RBMS1: variants seen among roughly 807,000 people sequenced by gnomAD.
RBMS1 encodes RNA-binding motif, single-stranded-interacting protein 1.
RBMS1 carries 17 observed loss-of-function variants against 62.3 expected under a neutral mutation model. The observed-to-expected ratio is 0.27, with a 90% CI of 0.19 to 0.41. RBMS1 has a LOEUF of 0.41. Among genes scored for constraint, RBMS1 ranks in the 10% least tolerant of loss-of-function variants. The pLI is 1.00. For missense variants in RBMS1, 334 were observed against 504.5 expected (o/e 0.66, Z 3.24); for synonymous variants, 172 against 170.0 (o/e 1.01, Z -0.09).
At chr2:160,291,481 T>A (rs977739945) in intron 6 of RBMS1, among the ~76,000 whole-genome samples, 22 of 152,148 alleles carry the variant, frequency 1.4e-4, no homozygotes, top group African/African-American at 5.1e-4. Flanking sequence ...CAATAAATAT[T>A]ATCTATTTTT....
chr2:160,286,396 T>C (rs1688398936), intron 7 of RBMS1, among the ~76,000 whole-genome samples: 1 of 148,650 alleles, frequency 6.7e-6, no homozygotes, highest in Non-Finnish European at 1.5e-5. Flanking sequence ...CTTGGAACAC[T>C]GCAGCCTCTG....
In RBMS1 at chr2:160,362,312, G is replaced by A. The variant is rs139497919; in HGVS notation, c.251+4904C>T. On this transcript the variant is annotated intron_variant, in intron 2 of 13. Coordinates refer to ENST00000348849, the MANE Select transcript of RBMS1 (RefSeq NM_016836.4). The stretch of plus-strand genomic sequence containing the variant: ...CCTTTGCGGGCTGTTTGGTGCAAGA[G>A]ACCTAGCTTTCGGCCTGTCTCGGCA... Among the ~76,000 whole-genome samples, 88 of 152,332 alleles carry A rather than the reference G, an allele frequency of 5.8e-4. 1 individual carries two copies. The Middle Eastern group carries it at 0.014, about 24-fold the overall frequency.
chr2:160,290,287 T>A (rs1574223465), intron 6 of RBMS1, among the ~76,000 whole-genome samples: 1 of 151,496 alleles, frequency 6.6e-6, no homozygotes. Flanking sequence ...AAGACTGACA[T>A]GCAGAAAAGG....
At position 160,286,984 on chromosome 2, in the gene RBMS1, T is replaced by G. The variant is rs202136965; in HGVS notation, c.741A>C (p.Glu247Asp). The change falls in exon 7 of 14, where the codon GAA becomes GAC. Residue 247 changes from glutamate (E) to aspartate (D), a missense_variant. Glu to Asp is a conservative substitution (Grantham distance 45). This residue lies in a region of RBMS1 where 182 missense variants were observed against 257.7 expected (regional missense o/e 0.71). Coordinates refer to ENST00000348849, the MANE Select transcript of RBMS1 (RefSeq NM_016836.4). ...YIPNGRPWHREGEVRLAGMTL... is the reference protein window; with the variant it reads ...YIPNGRPWHRDGEVRLAGMTL... ...AAGGACTTACAAGTCTCACCTCTCC[T>G]TCTCTATGCCATGGTCTTCCATTAG... is the stretch of plus-strand genomic sequence containing the variant. 8 of 1,602,392 alleles carry G rather than the reference T, an allele frequency of 5.0e-6. No homozygotes were observed. The Admixed American group carries it at 6.7e-5, about 13-fold the overall frequency.
At chr2:160,366,271 A>G (rs1423159310) in intron 2 of RBMS1, among the ~76,000 whole-genome samples, 1 of 152,260 alleles carries the variant, frequency 6.6e-6, no homozygotes, top group Non-Finnish European at 1.5e-5. Context: ...TAAAAAAATA[A>G]GAAGTAATGA....
At chr2:160,440,151 C>T (rs1683353923) in intron 1 of RBMS1, among the ~76,000 whole-genome samples, 1 of 144,212 alleles carries the variant, frequency 6.9e-6, no homozygotes, top group African/African-American at 2.6e-5. Flanking sequence ...CTCTGTTGCC[C>T]AGGCTAGAGT....
rs1285391471 is a variant in RBMS1, at chr2:160,274,435, C to A, written c.*337G>T. 1 of 151,334 alleles carries A rather than the reference C, an allele frequency of 6.6e-6. No homozygotes were observed. The highest frequency in any genetic ancestry group is 2.4e-5 in the African/African-American group (1 of 41,192). The allele number at this position is 151,334 out of a possible 1,614,324, so 9.4% of individuals were successfully genotyped here. A position where few individuals can be genotyped will look rare whatever the true frequency, so the allele number is the denominator to read the frequency against. On this transcript the variant is annotated 3_prime_UTR_variant, in exon 14 of 14. Transcript: ENST00000348849. ...TAAGTCTTCATGGTCTTTGTGCATACCCAGAAAATTGAAGTTTTCTTTTCT... is the reference window on the plus strand; with the variant it reads ...TAAGTCTTCATGGTCTTTGTGCATAACCAGAAAATTGAAGTTTTCTTTTCT...
chr2:160,373,959 T>C (rs1392604512), intron 1 of RBMS1, among the ~76,000 whole-genome samples: 2 of 151,814 alleles, frequency 1.3e-5, no homozygotes, highest in African/African-American at 2.4e-5. Flanking sequence ...GATGGCTGAG[T>C]GAGCTGAATA....
chr2:160,374,773 T>C (rs1330050836), intron 1 of RBMS1, among the ~76,000 whole-genome samples: 2 of 151,876 alleles, frequency 1.3e-5, no homozygotes, highest in Non-Finnish European at 2.9e-5. Context: ...CTACTAAAAA[T>C]GCAAAAATTA....
intron 1 of RBMS1, among the ~76,000 whole-genome samples, chr2:160,483,805 G>C (rs1403864504): frequency 6.6e-6 from 1 of 152,090 alleles, no homozygotes; most frequent in Non-Finnish European, 1.5e-5. Context: ...AAACTGTTCA[G>C]ACCCTTGCTG....
At chr2:160,296,031 C>CAAAGGCTGACACCGTAGGAGCAAGA (rs1688918519) in intron 6 of RBMS1, among the ~76,000 whole-genome samples, 1 of 152,200 alleles carries the variant, frequency 6.6e-6, no homozygotes, top group Admixed American at 6.5e-5. Context: ...CCTGCTCGTG[C>CAAAGGCTGACACCGTAGGAGCAAGA]AAAGGCTGAC....
intron 2 of RBMS1, among the ~76,000 whole-genome samples, chr2:160,344,393 T>C (rs747604120): frequency 2.0e-5 from 3 of 152,174 alleles, no homozygotes; most frequent in Non-Finnish European, 4.4e-5. Flanking sequence ...AGGCAGAAGA[T>C]GGGCAAATAT....
intron 1 of RBMS1, chr2:160,407,555 T>C (rs1695812789): frequency 6.1e-6 from 6 of 983,564 alleles, no homozygotes; most frequent in Non-Finnish European, 7.2e-6. Context: ...CGGCGGCGGG[T>C]GCGGGCGCGG....
At chr2:160,469,770 A>G (rs970320245) in intron 1 of RBMS1, among the ~76,000 whole-genome samples, 3 of 152,246 alleles carry the variant, frequency 2.0e-5, no homozygotes, top group African/African-American at 4.8e-5. Context: ...GGGCAGACTC[A>G]TTCTGGAATG....
In RBMS1 at chr2:160,488,795, C is replaced by G. The variant is rs552903845; in HGVS notation, c.75+4494G>C. 2.6e-5 allele frequency among the ~76,000 whole-genome samples: 4 copies of G among 152,212 alleles called. No homozygotes were observed. The East Asian group carries it at 7.7e-4, about 29-fold the overall frequency. The stretch of plus-strand genomic sequence containing the variant: ...CACTTGAGAGTAACTTGACATACTC[C>G]TATTTCTATAATATTCTATTATTTC... On this transcript the variant is annotated intron_variant, in intron 1 of 13. Coordinates refer to ENST00000348849, the MANE Select transcript of RBMS1 (RefSeq NM_016836.4).
At chr2:160,471,022 T>C (rs1252990912) in intron 1 of RBMS1, among the ~76,000 whole-genome samples, 1 of 152,176 alleles carries the variant, frequency 6.6e-6, no homozygotes, top group Non-Finnish European at 1.5e-5. Flanking sequence ...ACTGAGCTGA[T>C]GGGGATAAGC....
At chr2:160,446,469 C>T (rs915626384) in intron 1 of RBMS1, among the ~76,000 whole-genome samples, 43 of 152,200 alleles carry the variant, frequency 2.8e-4, no homozygotes, top group African/African-American at 9.9e-4. Context: ...CTTTTACTTG[C>T]GATCCTTTCT....
rs958058018 is a variant in RBMS1, at chr2:160,385,321, C to T, written c.76-17930G>A. The stretch of plus-strand genomic sequence containing the variant: ...ATATAAAGAGCTTCTCGATCCCCCT[C>T]GTCCTACTCAGGGGCTTGGAGGCTT... On this transcript the variant is annotated intron_variant, in intron 1 of 13. Transcript: ENST00000348849. 3.9e-5 allele frequency among the ~76,000 whole-genome samples: 6 copies of T among 152,098 alleles called. No individual in the cohort carries two copies. The East Asian group carries it at 5.8e-4, about 15-fold the overall frequency.
chr2:160,294,483 G>A (rs1394582375), intron 6 of RBMS1, among the ~76,000 whole-genome samples: 1 of 152,214 alleles, frequency 6.6e-6, no homozygotes, highest in Non-Finnish European at 1.5e-5. Flanking sequence ...AGGGCAGGCA[G>A]TGTAGAAGTG....
Sources: allele counts gnomAD v4.1 joint callset (sites outside exome capture counted in the v4.1 genomes callset), GRCh38; gene constraint gnomAD v4.1.1; regional missense constraint gnomAD v4.1.1; transcripts MANE v1.5; gene names NCBI Gene and HGNC (gene_info 2026-07-23, HGNC 2026-07-21).